Variants in BMPR2 observed in about 807,000 individuals in gnomAD.
The protein encoded by BMPR2 is bone morphogenetic protein receptor type 2.
BMPR2 carries 29 observed loss-of-function variants against 100.8 expected under a neutral mutation model. That is an observed-to-expected ratio of 0.29 (90% confidence interval 0.21 to 0.39). BMPR2 has a LOEUF of 0.39. Ranked by LOEUF, BMPR2 falls within the 10% of genes least tolerant of loss-of-function variation. The pLI is 1.00. For synonymous variants in BMPR2, 382 were observed against 442.3 expected (o/e 0.86, Z 1.71); for missense variants, 1,011 against 1,274.5 (o/e 0.79, Z 3.15).
chr2:202,550,759 T>C (rs904098694), intron 10 of BMPR2, among the ~76,000 whole-genome samples: 1 of 151,994 alleles, frequency 6.6e-6, no homozygotes. Context: ...CCTGTGATCA[T>C]GCCACAGCAC....
At chr2:202,399,126 C>G (rs1385486313) in intron 1 of BMPR2, among the ~76,000 whole-genome samples, 1 of 148,866 alleles carries the variant, frequency 6.7e-6, no homozygotes, top group South Asian at 2.1e-4. Flanking sequence ...GAAACTGTCT[C>G]AAGAGAAAAA....
At chr2:202,551,456 G>A (rs1261887749) in intron 10 of BMPR2, among the ~76,000 whole-genome samples, 9 of 151,850 alleles carry the variant, frequency 5.9e-5, no homozygotes, top group Admixed American at 3.9e-4. Flanking sequence ...CCCGGGAGGC[G>A]GAAGTTGCAG....
chr2:202,551,372 A>AG (rs1177699931), intron 10 of BMPR2, among the ~76,000 whole-genome samples: 1 of 151,620 alleles, frequency 6.6e-6, no homozygotes, highest in African/African-American at 2.4e-5. Context: ...AAAAAAAAAA[A>AG]AAACAGCCGG....
At position 202,376,542 on chromosome 2, in the gene BMPR2, G is replaced by GGCGGCAGCA. The variant is rs1553583998; in HGVS notation, c.-930_-922dup. On this transcript the variant is annotated 5_prime_UTR_variant, in exon 1 of 13. Coordinates refer to ENST00000374580, the MANE Select transcript of BMPR2 (RefSeq NM_001204.7). ...CGGCGGCGGCGGCGGCGGCGGCGGC[G>GGCGGCAGCA]GCGGCAGCAGCAGCGGCTTCCTCGG... is the stretch of plus-strand genomic sequence containing the variant. Among the ~76,000 whole-genome samples, 2 of 141,414 alleles carry GGCGGCAGCA rather than the reference G, an allele frequency of 1.4e-5. No individual in the cohort carries two copies. The highest frequency in any genetic ancestry group is 3.1e-5 in the Non-Finnish European group (2 of 65,242). 92.8% of individuals were successfully genotyped at this position (141,414 alleles called of 152,430 possible).
intron 10 of BMPR2, among the ~76,000 whole-genome samples, chr2:202,550,329 C>T (rs1425607279): frequency 1.3e-5 from 2 of 148,966 alleles, no homozygotes; most frequent in South Asian, 2.1e-4. Flanking sequence ...GCCGAGATCG[C>T]GCCATTGCAC....
At chr2:202,453,490 T>C (rs1409471666) in intron 1 of BMPR2, among the ~76,000 whole-genome samples, 1 of 152,092 alleles carries the variant, frequency 6.6e-6, no homozygotes, top group African/African-American at 2.4e-5. Context: ...TAAAAAAGAA[T>C]GAGATTCTGT....
At chr2:202,534,860 C>A (rs1460492380) in intron 9 of BMPR2, among the ~76,000 whole-genome samples, 1 of 145,618 alleles carries the variant, frequency 6.9e-6, no homozygotes, top group Non-Finnish European at 1.5e-5. Context: ...GGGCTGACCC[C>A]CCCACCTCCC....
intron 1 of BMPR2, among the ~76,000 whole-genome samples, chr2:202,390,970 A>C (rs953820970): frequency 1.5e-5 from 2 of 136,040 alleles, no homozygotes; most frequent in Non-Finnish European, 3.1e-5. Flanking sequence ...AAATGCTTTT[A>C]GTAAGTAGTC....
intron 12 of BMPR2, among the ~76,000 whole-genome samples, chr2:202,559,336 CATTAAATACA>C (rs937240721): frequency 3.3e-5 from 5 of 151,778 alleles, no homozygotes; most frequent in African/African-American, 9.7e-5. Flanking sequence ...CCACCTTGAG[CATTAAATACA>C]ATTAAATACA....
At chr2:202,519,872 A>G (rs1687788888) in intron 6 of BMPR2, among the ~76,000 whole-genome samples, 1 of 152,202 alleles carries the variant, frequency 6.6e-6, no homozygotes, top group Non-Finnish European at 1.5e-5. Context: ...ATAAAAATTT[A>G]TAATGTTTAA....
In BMPR2 at chr2:202,417,654, T is replaced by A. The variant is rs189067388; in HGVS notation, c.76+40104T>A. ...AATGTACATTACGTTTTTTGTTTTG[T>A]TTTTTTGAGACGGAGTCCCAAGGCA... On this transcript the variant is annotated intron_variant, in intron 1 of 12. Coordinates refer to ENST00000374580, the MANE Select transcript of BMPR2 (RefSeq NM_001204.7). 3.0e-4 allele frequency among the ~76,000 whole-genome samples: 45 copies of A among 152,080 alleles called. No individual in the cohort carries two copies. In the Middle Eastern group the frequency reaches 0.01, roughly 34 times the overall value.
At chr2:202,436,342 G>C (rs1303802749) in intron 1 of BMPR2, among the ~76,000 whole-genome samples, 2 of 150,174 alleles carry the variant, frequency 1.3e-5, no homozygotes, top group African/African-American at 5.0e-5. Context: ...GCTACTTGGG[G>C]GCCTGAGGTG....
intron 3 of BMPR2, among the ~76,000 whole-genome samples, chr2:202,477,251 A>G (rs1466730988): frequency 2.0e-5 from 3 of 152,242 alleles, no homozygotes; most frequent in African/African-American, 7.2e-5. Context: ...TTCTTAGGAA[A>G]TAACTGTCTT....
intron 10 of BMPR2, among the ~76,000 whole-genome samples, chr2:202,549,026 C>T (rs1196540759): frequency 1.3e-5 from 2 of 152,120 alleles, no homozygotes; most frequent in Non-Finnish European, 2.9e-5. Context: ...CTTTTGTAAT[C>T]TCTCCTCAAC....
intron 3 of BMPR2, among the ~76,000 whole-genome samples, chr2:202,485,684 C>T (rs1692764350): frequency 6.6e-6 from 1 of 151,130 alleles, no homozygotes; most frequent in Admixed American, 6.6e-5. Context: ...GTAGCTGGGA[C>T]TACAGTTGCA....
chr2:202,525,543 G>A (rs1241207012), intron 7 of BMPR2, among the ~76,000 whole-genome samples: 1 of 152,100 alleles, frequency 6.6e-6, no homozygotes, highest in Non-Finnish European at 1.5e-5. Context: ...GCCAGTCAGG[G>A]AAAAGTAAGG....
rs1688720381 is a variant in BMPR2 at position 202,564,266 on chromosome 2, A to G, written c.*4320A>G. ...CTAGAATTTGAGATTATATTTCCAT[A>G]CAACATTTTATAAAGTTATGTTGAA... On this transcript the variant is annotated 3_prime_UTR_variant, in exon 13 of 13. Transcript: ENST00000374580. The G allele has an allele frequency of 6.6e-6, 1 of 152,246 alleles. No homozygotes were observed. The highest frequency in any genetic ancestry group is 2.4e-5 in the African/African-American group (1 of 41,468). The allele number at this position is 152,246 out of a possible 1,614,324, so 9.4% of individuals were successfully genotyped here. A position where few individuals can be genotyped will look rare whatever the true frequency, so the allele number is the denominator to read the frequency against.
intron 1 of BMPR2, among the ~76,000 whole-genome samples, chr2:202,443,493 GTC>G (rs1037027246): frequency 6.7e-6 from 1 of 150,090 alleles, no homozygotes; most frequent in East Asian, 1.9e-4. Context: ...TTCTGCCTCT[GTC>G]TCTCTTTCTC....
At chr2:202,424,635 G>T (rs1355795757) in intron 1 of BMPR2, among the ~76,000 whole-genome samples, 1 of 152,036 alleles carries the variant, frequency 6.6e-6, no homozygotes, top group Admixed American at 6.6e-5. Context: ...GGTGGAGGTT[G>T]CAGTGAGCTG....
Sources: allele counts gnomAD v4.1 joint callset (sites outside exome capture counted in the v4.1 genomes callset), GRCh38; gene constraint gnomAD v4.1.1; transcripts MANE v1.5; gene names NCBI Gene and HGNC (gene_info 2026-07-23, HGNC 2026-07-21).